The following HSP90B1 variants were observed in gnomAD, a reference collection of about 807,000 sequenced individuals.
The protein encoded by HSP90B1 is endoplasmin.
A neutral mutation model predicts 100.4 loss-of-function variants in HSP90B1; 27 were observed. That is an observed-to-expected ratio of 0.27 (90% CI 0.20 to 0.37). The LOEUF is 0.37. HSP90B1 is among the 10% of genes least tolerant of loss of function. HSP90B1 has a pLI of 1.00. For missense variants in HSP90B1, 678 were observed against 960.5 expected (o/e 0.71, Z 3.89); for synonymous variants, 304 against 330.8 (o/e 0.92, Z 0.88).
In HSP90B1 at chr12:103,943,989, T is replaced by C; in HGVS notation, c.2027+115T>C. On this transcript the variant is annotated intron_variant, in intron 14 of 17. Transcript: ENST00000299767. This position sits in a 1 kb window ranked among gnomAD's most constrained non-coding sequence, Gnocchi z 5.3. ...AAATTGCCTTAAATGTCTACCACTG[T>C]CTACTATAAGGTAGACAACAAGTTT... 1.1e-6 allele frequency: 1 copy of C among 931,332 alleles called. No homozygotes were observed. The highest frequency in any genetic ancestry group is 1.6e-6 in the Non-Finnish European group (1 of 641,624). The allele number at this position is 931,332 out of a possible 1,614,324, so 57.7% of individuals were successfully genotyped here. A position where few individuals can be genotyped will look rare whatever the true frequency, so the allele number is the denominator to read the frequency against.
At position 103,946,938 on chromosome 12, in the gene HSP90B1, A is replaced by G. The variant is rs572624942; in HGVS notation, c.2259A>G (p.Ala753=). 38 of 1,612,092 alleles carry G rather than the reference A, an allele frequency of 2.4e-5. No individual in the cohort carries two copies. The East Asian group carries it at 8.0e-4, about 34-fold the overall frequency. The part of the protein sequence containing the change: ...LRLSLNIDPD[A]KVEEEPEEEP... ...TCAGTTTGAACATTGACCCTGATGC[A>G]AAGGTTTGTATCCCCAACCTTCCCG... Residue 753 remains alanine, a synonymous_variant, in exon 16 of 18, where the codon GCA becomes GCG. Transcript: ENST00000299767.
chr12:103,947,792 G>C lies in HSP90B1; in HGVS notation c.*130G>C. 1 of 803,342 alleles carries C rather than the reference G, an allele frequency of 1.2e-6. No individual in the cohort carries two copies. The highest frequency in any genetic ancestry group is 2.1e-6 in the Non-Finnish European group (1 of 468,584). 49.8% of individuals were successfully genotyped at this position (803,342 alleles called of 1,614,324 possible). A position where few individuals can be genotyped will look rare whatever the true frequency, so the allele number is the denominator to read the frequency against. On this transcript the variant is annotated 3_prime_UTR_variant, in exon 18 of 18. Coordinates refer to ENST00000299767, the MANE Select transcript of HSP90B1 (RefSeq NM_003299.3). ...CCTGCACTGTAAAATGTGGGATTAT[G>C]GGTCACAGGAAAAAGTGGGTTTTTT...
intron 10 of HSP90B1, 42 bp from the exon 11 acceptor site, chr12:103,941,790 A>C: frequency 6.2e-7 from 1 of 1,605,560 alleles, no homozygotes; most frequent in Non-Finnish European, 8.5e-7. Context: ...GCTTTCTTCC[A>C]GTGGTTTTAT....
chr12:103,946,969 G>C, intron 16 of HSP90B1, 28 bp downstream of exon 16: 1 of 1,594,388 alleles, frequency 6.3e-7, no homozygotes, highest in Non-Finnish European at 8.5e-7. Context: ...TCCCGCAAAG[G>C]CTGGCTGGCT....
Position 103,938,487 on chromosome 12 carries a change from G to A in HSP90B1, c.975+28G>A, listed in dbSNP as rs558684923. 3.7e-5 allele frequency: 59 copies of A among 1,600,418 alleles called. 1 individual carries two copies. The highest frequency in any genetic ancestry group is 2.0e-4 in the South Asian group (18 of 88,484). ...AAGTCTGGTTTATCTCCCTGCATAA[G>A]ATATTGTTTAACATGTATAGGCAAA... On this transcript the variant is annotated intron_variant, in intron 7 of 17. Coordinates refer to ENST00000299767, the MANE Select transcript of HSP90B1 (RefSeq NM_003299.3).
In HSP90B1 at chr12:103,947,824, A is replaced by C. The variant is rs1455911211; in HGVS notation, c.*162A>C. The C allele has an allele frequency of 4.4e-6, 3 of 678,384 alleles. No individual in the cohort carries two copies. The highest frequency in any genetic ancestry group is 8.1e-6 in the Non-Finnish European group (3 of 371,598). The allele number at this position is 678,384 out of a possible 1,614,324, so 42.0% of individuals were successfully genotyped here. A position where few individuals can be genotyped will look rare whatever the true frequency, so the allele number is the denominator to read the frequency against. ...AGGAAAAAGTGGGTTTTTTAGTTGA[A>C]TTTTTTTTAACATTCCTCATGAATG... is the stretch of plus-strand genomic sequence containing the variant. On this transcript the variant is annotated 3_prime_UTR_variant, in exon 18 of 18. Coordinates refer to ENST00000299767, the MANE Select transcript of HSP90B1 (RefSeq NM_003299.3).
chr12:103,943,039 G>T lies in HSP90B1; in HGVS notation c.1645-35G>T. The stretch of plus-strand genomic sequence containing the variant: ...AGGATAAACAAATACACCAGGGCCA[G>T]ACTTGGAAAACTTTGTGACTTCTTA... On this transcript the variant is annotated intron_variant, in intron 12 of 17. Transcript: ENST00000299767. This position sits in a 1 kb window ranked among gnomAD's most constrained non-coding sequence, Gnocchi z 5.3. 1 of 1,609,956 alleles carries T rather than the reference G, an allele frequency of 6.2e-7. No individual in the cohort carries two copies. The highest frequency in any genetic ancestry group is 1.1e-5 in the South Asian group (1 of 90,340).
intron 5 of HSP90B1, among the ~76,000 whole-genome samples, chr12:103,934,727 G>C (rs1869861342): frequency 1.3e-5 from 2 of 152,196 alleles, no homozygotes; most frequent in Admixed American, 6.5e-5. Context: ...TTGAGACGGA[G>C]TCTCACTCTT....
chr12:103,941,576 T>C (rs1369137963), intron 9 of HSP90B1, 29 bp downstream of exon 9: 1 of 1,613,920 alleles, frequency 6.2e-7, no homozygotes, highest in Non-Finnish European at 8.5e-7. Flanking sequence ...CATGCTGCGT[T>C]TAAAATTTGA....
chr12:103,944,095 G>A (rs1276468117), intron 14 of HSP90B1, among the ~76,000 whole-genome samples: 1 of 152,204 alleles, frequency 6.6e-6, no homozygotes, highest in African/African-American at 2.4e-5. Flanking sequence ...TATTTGATAT[G>A]TAAATGGGAA....
chr12:103,937,624 G>A, intron 5 of HSP90B1, 71 bp from the exon 6 acceptor site: 1 of 762,720 alleles, frequency 1.3e-6, no homozygotes, highest in Non-Finnish European at 2.3e-6. Flanking sequence ...CTATTACCAT[G>A]GTATTTAAAT....
Position 103,934,194 on chromosome 12 carries a change from A to G in HSP90B1, c.650A>G (p.Asn217Ser), listed in dbSNP as rs371098260. The G allele has an allele frequency of 6.2e-6, 10 of 1,614,078 alleles. No individual in the cohort carries two copies. In the Admixed American group the frequency reaches 1.0e-4, roughly 16 times the overall value. The change falls in exon 5 of 18, where the codon AAC (asparagine) becomes AGC (serine). Residue 217 changes from asparagine (N) to serine (S), a missense_variant. Asn to Ser is a conservative substitution (Grantham distance 46). Around this residue, in one of 8 missense-constraint regions of HSP90B1, gnomAD observed 238 missense variants for 346.7 expected, o/e 0.69. Transcript: ENST00000299767. The stretch of plus-strand genomic sequence containing the variant: ...GTTATTGTCACTTCAAAACACAACA[A>G]CGATACCCAGCACATCTGGGAGTCT... ...DKVIVTSKHNNDTQHIWESDS... is the reference protein window; with the variant it reads ...DKVIVTSKHNSDTQHIWESDS...
Position 103,947,301 on chromosome 12 carries a change from T to C in HSP90B1, c.2263-10T>C, listed in dbSNP as rs1435963562. The C allele has an allele frequency of 1.3e-6, 2 of 1,577,536 alleles. No homozygotes were observed. Among genetic ancestry groups the C allele is most frequent in the Admixed American group, 2.0e-5 (1 of 49,806 alleles). ...CAAGGCATTAATGGGCCCATAAATG[T>C]TGTGTTTAGGTGGAAGAAGAGCCCG... is the stretch of plus-strand genomic sequence containing the variant. On this transcript the variant is annotated splice_polypyrimidine_tract_variant and intron_variant, in intron 16 of 17. Transcript: ENST00000299767.
chr12:103,945,386 G>C (rs75327292), intron 14 of HSP90B1, among the ~76,000 whole-genome samples: 9,201 of 152,248 alleles, frequency 0.06, 467 homozygotes, highest in East Asian at 0.21. Flanking sequence ...GGATAGGGAA[G>C]GATGTGGTTC....
At chr12:103,940,224 T>C (rs920535440) in intron 8 of HSP90B1, among the ~76,000 whole-genome samples, 3 of 152,024 alleles carry the variant, frequency 2.0e-5, no homozygotes, top group Admixed American at 1.3e-4. Flanking sequence ...CATGAAATCA[T>C]GTTGTTAAGT....
At chr12:103,938,678 C>A (rs903702218) in intron 7 of HSP90B1, 1 of 338,616 alleles carries the variant, frequency 3.0e-6, no homozygotes, top group Non-Finnish European at 5.4e-6. Flanking sequence ...GAAGAGTTTT[C>A]TAACTTTTAT....
intron 5 of HSP90B1, among the ~76,000 whole-genome samples, chr12:103,936,854 C>T (rs1438807919): frequency 6.6e-6 from 1 of 152,098 alleles, no homozygotes; most frequent in African/African-American, 2.4e-5. Flanking sequence ...AGACCAGGGG[C>T]CTAGTCACTC....
chr12:103,944,575 G>A (rs551234372), intron 14 of HSP90B1, among the ~76,000 whole-genome samples: 22 of 145,398 alleles, frequency 1.5e-4, no homozygotes, highest in Non-Finnish European at 3.1e-4. Flanking sequence ...TTTTTCCCCC[G>A]AGACAGAGTC....
At chr12:103,941,972 TAA>T (rs58392270) in intron 11 of HSP90B1, 75 bp downstream of exon 11, 978,161 of 1,091,850 alleles carry the variant, frequency 0.9, 439,264 homozygotes, top group East Asian at 1. Flanking sequence ...ATTTGTGGAG[TAA>T]AACCAGATTT....
Sources: gnomAD v4.1 joint callset for allele counts (sites outside exome capture counted in the v4.1 genomes callset) on GRCh38, gnomAD v4.1.1 for gene constraint, gnomAD v4.1.1 regional missense constraint, Gnocchi (gnomAD v3.1) non-coding constraint, MANE v1.5 for transcripts, NCBI Gene and HGNC (gene_info 2026-07-23, HGNC 2026-07-21) for gene names.